Variants in TACR3 observed in about 807,000 individuals in gnomAD.
TACR3 encodes neuromedin-K receptor.
TACR3 carries 34 observed loss-of-function variants against 35.0 expected under a neutral mutation model. That is an observed-to-expected ratio of 0.97 (90% CI 0.74 to 1.30). The LOEUF (loss-of-function observed/expected upper bound fraction) is 1.30. Among genes scored for constraint, TACR3 ranks in the 50% most tolerant of loss-of-function variants. The probability of loss-of-function intolerance (pLI) is 0.00; values close to 1 mark genes in which losing one functional copy is unlikely to be tolerated. For missense variants in TACR3, 558 were observed against 591.7 expected (o/e 0.94, Z 0.59); for synonymous variants, 233 against 221.1 (o/e 1.05, Z -0.48).
At chr4:103,675,822 G>GT (rs531372956) in intron 1 of TACR3, among the ~76,000 whole-genome samples, 265 of 152,062 alleles carry the variant, frequency 1.7e-3, no homozygotes, top group South Asian at 8.4e-3. Context: ...GGACCCTATT[G>GT]GTGCAATCCA....
chr4:103,698,952 T>C (rs909949388), intron 1 of TACR3, among the ~76,000 whole-genome samples: 1 of 152,126 alleles, frequency 6.6e-6, no homozygotes, highest in Non-Finnish European at 1.5e-5. Context: ...AAATTAAAAA[T>C]TAAAAATAAA....
chr4:103,715,340 A>G (rs887222793), intron 1 of TACR3, among the ~76,000 whole-genome samples: 5 of 152,100 alleles, frequency 3.3e-5, no homozygotes, highest in African/African-American at 1.2e-4. Flanking sequence ...CTGGTTGTTC[A>G]GATGTGTGTA....
intron 1 of TACR3, among the ~76,000 whole-genome samples, chr4:103,703,268 T>A (rs1477312525): frequency 6.6e-6 from 1 of 152,200 alleles, no homozygotes; most frequent in Non-Finnish European, 1.5e-5. Flanking sequence ...TTAACCATTG[T>A]AAGTGTACAG....
At chr4:103,594,412 G>A (rs979718068) in intron 3 of TACR3, among the ~76,000 whole-genome samples, 5 of 152,070 alleles carry the variant, frequency 3.3e-5, no homozygotes, top group Admixed American at 1.3e-4. Context: ...TCCTGACCTT[G>A]TAGATCCACC....
At chr4:103,710,287 C>G (rs1019190941) in intron 1 of TACR3, among the ~76,000 whole-genome samples, 1 of 152,120 alleles carries the variant, frequency 6.6e-6, no homozygotes, top group Non-Finnish European at 1.5e-5. Context: ...TATAAAAGAA[C>G]AGAAATTATA....
intron 3 of TACR3, among the ~76,000 whole-genome samples, chr4:103,610,224 C>T (rs914400834): frequency 1.2e-4 from 19 of 152,094 alleles, no homozygotes; most frequent in African/African-American, 4.3e-4. Context: ...TACTAGTTTA[C>T]AGTTTGTCCC....
chr4:103,635,582 C>A (rs922924516), intron 3 of TACR3, among the ~76,000 whole-genome samples: 1 of 151,942 alleles, frequency 6.6e-6, no homozygotes, highest in Non-Finnish European at 1.5e-5. Flanking sequence ...TTGGCTCTAA[C>A]CAAAATCAAG....
intron 1 of TACR3, among the ~76,000 whole-genome samples, chr4:103,680,468 GATATATAT>G (rs138086790): frequency 7.0e-6 from 1 of 143,336 alleles, no homozygotes; most frequent in East Asian, 2.0e-4. Context: ...CAGATTAAGT[GATATATAT>G]ATATATATAT....
chr4:103,655,854 C>A (rs1725723290), intron 3 of TACR3, among the ~76,000 whole-genome samples: 1 of 151,966 alleles, frequency 6.6e-6, no homozygotes, highest in Non-Finnish European at 1.5e-5. Flanking sequence ...CAGAGGCATT[C>A]TTTTCAATAA....
intron 1 of TACR3, among the ~76,000 whole-genome samples, chr4:103,712,149 C>G (rs1013868052): frequency 1.3e-5 from 2 of 152,122 alleles, no homozygotes; most frequent in Non-Finnish European, 2.9e-5. Flanking sequence ...AAACTACTGT[C>G]AAGTTCATAT....
chr4:103,611,159 A>G (rs934487907), intron 3 of TACR3, among the ~76,000 whole-genome samples: 1 of 152,082 alleles, frequency 6.6e-6, no homozygotes, highest in Non-Finnish European at 1.5e-5. Flanking sequence ...TTCTGTGAAC[A>G]CTTTCATTGG....
intron 1 of TACR3, among the ~76,000 whole-genome samples, chr4:103,668,446 C>A (rs1725978180): frequency 6.6e-6 from 1 of 152,224 alleles, no homozygotes; most frequent in African/African-American, 2.4e-5. Context: ...GCTGACTGAT[C>A]AGGGTGGTGG....
chr4:103,665,161 TATAA>T (rs1011548911), intron 1 of TACR3, among the ~76,000 whole-genome samples: 5 of 152,188 alleles, frequency 3.3e-5, no homozygotes, highest in African/African-American at 1.2e-4. Flanking sequence ...TTTAGATGAT[TATAA>T]ATGTTGTCTT....
chr4:103,645,567 ATTATC>A (rs1481652769), intron 3 of TACR3, among the ~76,000 whole-genome samples: 3 of 151,998 alleles, frequency 2.0e-5, no homozygotes, highest in Non-Finnish European at 4.4e-5. Context: ...CTTTAATGTA[ATTATC>A]TTAACTATAA....
chr4:103,610,102 A>T (rs888065311), intron 3 of TACR3, among the ~76,000 whole-genome samples: 1 of 152,082 alleles, frequency 6.6e-6, no homozygotes, highest in African/African-American at 2.4e-5. Context: ...TCTCTTCAAC[A>T]TGCTAATTTC....
At chr4:103,645,998 T>C (rs1351119955) in intron 3 of TACR3, among the ~76,000 whole-genome samples, 3 of 152,012 alleles carry the variant, frequency 2.0e-5, no homozygotes, top group African/African-American at 7.2e-5. Flanking sequence ...GTCATGTACA[T>C]GGCACGGAGC....
At chr4:103,603,688 A>C (rs1476184127) in intron 3 of TACR3, among the ~76,000 whole-genome samples, 1 of 152,222 alleles carries the variant, frequency 6.6e-6, no homozygotes, top group Non-Finnish European at 1.5e-5. Context: ...GTATATACCC[A>C]GTAATGGGAT....
chr4:103,609,211 T>C (rs1210214050), intron 3 of TACR3, among the ~76,000 whole-genome samples: 1 of 152,134 alleles, frequency 6.6e-6, no homozygotes, highest in Non-Finnish European at 1.5e-5. Flanking sequence ...TAGATATTTG[T>C]TGGCCTTATT....
intron 1 of TACR3, among the ~76,000 whole-genome samples, chr4:103,711,234 A>G (rs1205020851): frequency 1.3e-5 from 2 of 152,202 alleles, no homozygotes; most frequent in Non-Finnish European, 2.9e-5. Flanking sequence ...ATTGATGCAA[A>G]AATCCTCAAT....
Sources: allele counts gnomAD v4.1 joint callset (sites outside exome capture counted in the v4.1 genomes callset), GRCh38; gene constraint gnomAD v4.1.1; transcripts MANE v1.5; gene names NCBI Gene and HGNC (gene_info 2026-07-23, HGNC 2026-07-21).